TBC1D4: variants seen among roughly 807,000 people sequenced by gnomAD.
TBC1D4 encodes TBC (Tre-2, BUB2, CDC16) domain-containing protein.
A neutral mutation model predicts 142.5 loss-of-function variants in TBC1D4; 121 were observed. That is an observed-to-expected ratio of 0.85 (90% confidence interval 0.73 to 0.99). The LOEUF is 0.99. Ranked by LOEUF, TBC1D4 falls within the 50% of genes least tolerant of loss-of-function variation. TBC1D4 has a pLI of 0.00. For synonymous variants in TBC1D4, 630 were observed against 628.2 expected, an observed-to-expected ratio of 1.00 and a Z score of -0.04; for missense variants, 1,475 against 1,606.6, an observed-to-expected ratio of 0.92 and a Z score of 1.40.
chr13:75,469,452 G>T (rs899652645), intron 1 of TBC1D4, among the ~76,000 whole-genome samples: 31 of 152,058 alleles, frequency 2.0e-4, no homozygotes, highest in East Asian at 7.7e-4. Flanking sequence ...GGTGTCAGTG[G>T]TAATGGAGAG....
intron 18 of TBC1D4, among the ~76,000 whole-genome samples, chr13:75,293,161 TA>T (rs1303220362): frequency 2.6e-5 from 4 of 151,942 alleles, no homozygotes; most frequent in Non-Finnish European, 5.9e-5. Flanking sequence ...CTTAGAAAAA[TA>T]AAAAAAGAAA....
Position 75,406,009 on chromosome 13 carries a change from G to C in TBC1D4, c.499-43402C>G, listed in dbSNP as rs1001643662. Among the ~76,000 whole-genome samples the C allele has an allele frequency of 2.6e-5, 4 of 152,168 alleles. No individual in the cohort carries two copies. The East Asian group carries it at 7.7e-4, about 29-fold the overall frequency. ...CTCTTCCCTGGGCTACCATTATTTTGAGAAGGATGTTCATGACAAGCACTA... is the reference window on the plus strand; with the variant it reads ...CTCTTCCCTGGGCTACCATTATTTTCAGAAGGATGTTCATGACAAGCACTA... On this transcript the variant is annotated intron_variant, in intron 1 of 20. Transcript: ENST00000377636.
At chr13:75,319,902 A>G (rs953497969) in intron 12 of TBC1D4, 112 bp downstream of exon 12, 105 of 1,104,538 alleles carry the variant, frequency 9.5e-5, no homozygotes, top group Middle Eastern at 7.9e-4. Context: ...GCACTCAGAA[A>G]GATGGCATGC....
chr13:75,376,603 G>A (rs113703211), intron 1 of TBC1D4, among the ~76,000 whole-genome samples: 1,848 of 152,176 alleles, frequency 0.012, 48 homozygotes, highest in African/African-American at 0.041. Flanking sequence ...GGCTGGTCTC[G>A]AACTCCTGAC....
At chr13:75,395,803 C>T (rs760450194) in intron 1 of TBC1D4, among the ~76,000 whole-genome samples, 3 of 152,136 alleles carry the variant, frequency 2.0e-5, no homozygotes, top group Non-Finnish European at 4.4e-5. Context: ...GCACTCCAGC[C>T]TGGGCAACAG....
intron 1 of TBC1D4, among the ~76,000 whole-genome samples, chr13:75,423,260 T>C (rs1159955537): frequency 2.6e-5 from 4 of 152,100 alleles, no homozygotes; most frequent in African/African-American, 9.7e-5. Flanking sequence ...TAAGTGTTTT[T>C]TTTTTCTCTG....
chr13:75,418,269 T>C lies in TBC1D4; in HGVS notation c.499-55662A>G, dbSNP rs148640395. Among the ~76,000 whole-genome samples the C allele has an allele frequency of 4.7e-3, 717 of 152,272 alleles. 10 individuals carry two copies. The highest frequency in any genetic ancestry group is 0.015 in the African/African-American group (627 of 41,552). ...TATGCCATGGTATTTATTCTTTCTA[T>C]TGGGAAATAAGAATATAAAGAAAAA... On this transcript the variant is annotated intron_variant, in intron 1 of 20. Coordinates refer to ENST00000377636, the MANE Select transcript of TBC1D4 (RefSeq NM_014832.5).
chr13:75,341,593 G>A lies in TBC1D4; in HGVS notation c.1409-6C>T. ...GGCTCTTGGTGGGTAGAGACCTAAGGAAAATGATGAGGGAAGGTATTAAAC... is the reference window on the plus strand; with the variant it reads ...GGCTCTTGGTGGGTAGAGACCTAAGAAAAATGATGAGGGAAGGTATTAAAC... On this transcript the variant is annotated splice_region_variant and splice_polypyrimidine_tract_variant and intron_variant, in intron 5 of 20. Transcript: ENST00000377636. 1 of 1,609,720 alleles carries A rather than the reference G, an allele frequency of 6.2e-7. No homozygotes were observed. Among genetic ancestry groups the A allele is most frequent in the Non-Finnish European group, 8.5e-7 (1 of 1,176,122 alleles).
intron 1 of TBC1D4, among the ~76,000 whole-genome samples, chr13:75,439,204 T>G (rs1438603668): frequency 6.6e-6 from 1 of 152,210 alleles, no homozygotes; most frequent in African/African-American, 2.4e-5. Context: ...CTAAATTTCT[T>G]TATGCTTCAT....
intron 1 of TBC1D4, among the ~76,000 whole-genome samples, chr13:75,456,943 G>A (rs991846079): frequency 6.6e-6 from 1 of 151,734 alleles, no homozygotes; most frequent in African/African-American, 2.4e-5. Context: ...CATACTACAA[G>A]AATAAAAAAG....
At chr13:75,463,634 T>C (rs1015810019) in intron 1 of TBC1D4, among the ~76,000 whole-genome samples, 1 of 152,236 alleles carries the variant, frequency 6.6e-6, no homozygotes, top group Non-Finnish European at 1.5e-5. Flanking sequence ...AACCTCAGTA[T>C]TGGTGAAAAT....
Position 75,362,739 on chromosome 13 carries a change from G to A in TBC1D4, c.499-132C>T. 2.2e-6 allele frequency: 2 copies of A among 898,392 alleles called. No individual in the cohort carries two copies. The highest frequency in any genetic ancestry group is 3.4e-6 in the Non-Finnish European group (2 of 586,674). 55.7% of individuals were successfully genotyped at this position (898,392 alleles called of 1,614,324 possible). ...ATACAAAGTAATAGACACTACACGAGACAGAGCATACACTTACATTATTTG... is the reference window on the plus strand; with the variant it reads ...ATACAAAGTAATAGACACTACACGAAACAGAGCATACACTTACATTATTTG... On this transcript the variant is annotated intron_variant, in intron 1 of 20. Coordinates refer to ENST00000377636, the MANE Select transcript of TBC1D4 (RefSeq NM_014832.5). The surrounding 1 kb of genome is among the most constrained non-coding windows in gnomAD (Gnocchi z 4.2).
chr13:75,475,102 A>G (rs1222474373), intron 1 of TBC1D4, among the ~76,000 whole-genome samples: 2 of 152,234 alleles, frequency 1.3e-5, no homozygotes, highest in Non-Finnish European at 2.9e-5. Flanking sequence ...ACTTTTAAGG[A>G]AATGCATTAA....
intron 1 of TBC1D4, among the ~76,000 whole-genome samples, chr13:75,402,870 A>G (rs1460714826): frequency 6.6e-6 from 1 of 152,206 alleles, no homozygotes; most frequent in Non-Finnish European, 1.5e-5. Flanking sequence ...AAAAGCAAAA[A>G]TAGAGCTCAC....
At chr13:75,413,924 T>C (rs1219003873) in intron 1 of TBC1D4, among the ~76,000 whole-genome samples, 2 of 152,132 alleles carry the variant, frequency 1.3e-5, no homozygotes, top group African/African-American at 4.8e-5. Flanking sequence ...GGTTTCTTGA[T>C]TGGGGTTCCA....
Position 75,482,001 on chromosome 13 carries a change from G to A in TBC1D4, c.-234C>T, listed in dbSNP as rs1457600376. 2 of 478,036 alleles carry A rather than the reference G, an allele frequency of 4.2e-6. No homozygotes were observed. Among genetic ancestry groups the A allele is most frequent in the Non-Finnish European group, 6.7e-6 (2 of 298,742 alleles). The allele number at this position is 478,036 out of a possible 1,614,324, so 29.6% of individuals were successfully genotyped here. A position where few individuals can be genotyped will look rare whatever the true frequency, so the allele number is the denominator to read the frequency against. Reference sequence around the variant, plus strand: ...ACCGAGGCAAGCGCCCGGCAGGCGAGGGCGGGTTAAATGGGCATCCTCCTC... The same window carrying A: ...ACCGAGGCAAGCGCCCGGCAGGCGAAGGCGGGTTAAATGGGCATCCTCCTC... On this transcript the variant is annotated 5_prime_UTR_variant, in exon 1 of 21. Coordinates refer to ENST00000377636, the MANE Select transcript of TBC1D4 (RefSeq NM_014832.5).
intron 1 of TBC1D4, among the ~76,000 whole-genome samples, chr13:75,468,933 C>T (rs1046912357): frequency 6.6e-6 from 1 of 152,006 alleles, no homozygotes; most frequent in South Asian, 2.1e-4. Context: ...CAGTGCTCCC[C>T]GGAAGTGTAA....
At chr13:75,363,354 C>T (rs1882689295) in intron 1 of TBC1D4, among the ~76,000 whole-genome samples, 1 of 152,142 alleles carries the variant, frequency 6.6e-6, no homozygotes, top group African/African-American at 2.4e-5. Context: ...ATATCTTAGG[C>T]CCCCAAAATC....
chr13:75,396,356 C>A (rs971659393), intron 1 of TBC1D4, among the ~76,000 whole-genome samples: 1 of 152,150 alleles, frequency 6.6e-6, no homozygotes, highest in Non-Finnish European at 1.5e-5. Flanking sequence ...TAGCCAAAGG[C>A]CTAAAATATT....
Sources: allele counts gnomAD v4.1 joint callset (sites outside exome capture counted in the v4.1 genomes callset), GRCh38; gene constraint gnomAD v4.1.1; non-coding constraint Gnocchi (gnomAD v3.1); transcripts MANE v1.5; gene names NCBI Gene and HGNC (gene_info 2026-07-23, HGNC 2026-07-21).